LINGO2: variants seen among roughly 807,000 people sequenced by gnomAD.
The protein encoded by LINGO2 is leucine-rich repeat and immunoglobulin-like domain-containing nogo receptor-interacting protein 2.
LINGO2 carries 14 observed loss-of-function variants against 30.6 expected under a neutral mutation model. That is an observed-to-expected ratio of 0.46 (90% CI 0.30 to 0.72). The LOEUF is 0.72. LINGO2 is among the 30% of genes least tolerant of loss of function. The pLI is 0.07. For missense variants in LINGO2, 729 were observed against 751.7 expected (o/e 0.97, Z 0.35); for synonymous variants, 317 against 288.5 (o/e 1.10, Z -1.00).
At chr9:28,272,227 C>G (rs772920741) in intron 4 of LINGO2, among the ~76,000 whole-genome samples, 12 of 152,026 alleles carry the variant, frequency 7.9e-5, no homozygotes, top group Admixed American at 5.2e-4. Flanking sequence ...CCAGAGGAAC[C>G]CTGACAACAG....
chr9:28,984,221 T>C, the LINGO2 span, among the ~76,000 whole-genome samples: 2 of 152,114 alleles, frequency 1.3e-5, no homozygotes, highest in Non-Finnish European at 2.9e-5. Flanking sequence ...CAGGGAAGAA[T>C]ATGTGCTCAT....
At chr9:28,659,578 A>C (rs962339302) in intron 1 of LINGO2, among the ~76,000 whole-genome samples, 3 of 151,986 alleles carry the variant, frequency 2.0e-5, no homozygotes, top group Non-Finnish European at 4.4e-5. Flanking sequence ...CTGTCGAGTA[A>C]CTGGGACTAT....
At chr9:28,178,232 G>A (rs1277010287) in intron 4 of LINGO2, among the ~76,000 whole-genome samples, 2 of 152,082 alleles carry the variant, frequency 1.3e-5, no homozygotes, top group Non-Finnish European at 2.9e-5. Flanking sequence ...CTCCCACAGT[G>A]TTGTGATAAA....
At chr9:28,701,787 C>T in the LINGO2 span, among the ~76,000 whole-genome samples, 4 of 151,872 alleles carry the variant, frequency 2.6e-5, no homozygotes, top group Non-Finnish European at 5.9e-5. Flanking sequence ...ACTATCTCTC[C>T]ATTTGGTACT....
the LINGO2 span, among the ~76,000 whole-genome samples, chr9:28,739,905 A>G: frequency 1.3e-5 from 2 of 150,522 alleles, no homozygotes; most frequent in Non-Finnish European, 3.0e-5. Context: ...AGTACAATAA[A>G]GGTCAAATAT....
At chr9:29,171,699 T>C in the LINGO2 span, among the ~76,000 whole-genome samples, 1 of 152,036 alleles carries the variant, frequency 6.6e-6, no homozygotes, top group Non-Finnish European at 1.5e-5. Flanking sequence ...GAATATCACT[T>C]GGCGGAAAAA....
intron 4 of LINGO2, among the ~76,000 whole-genome samples, chr9:28,083,025 G>T (rs1825815578): frequency 6.6e-6 from 1 of 152,104 alleles, no homozygotes; most frequent in Non-Finnish European, 1.5e-5. Flanking sequence ...ACCAGTCCAT[G>T]GTCCTGTAAC....
the LINGO2 span, among the ~76,000 whole-genome samples, chr9:29,100,004 G>A: frequency 1.3e-5 from 2 of 152,072 alleles, no homozygotes; most frequent in African/African-American, 2.4e-5. Context: ...CAGAAGACTC[G>A]ATAAAGAAAA....
At chr9:28,885,827 A>T in the LINGO2 span, among the ~76,000 whole-genome samples, 1 of 152,132 alleles carries the variant, frequency 6.6e-6, no homozygotes, top group African/African-American at 2.4e-5. Context: ...GCCATGCAGA[A>T]ACTAGGATCA....
intron 4 of LINGO2, among the ~76,000 whole-genome samples, chr9:28,141,889 G>T (rs924454498): frequency 1.3e-5 from 2 of 152,214 alleles, no homozygotes; most frequent in African/African-American, 4.8e-5. Flanking sequence ...TCCAGCCTGG[G>T]TGACAGGGCG....
At chr9:28,981,714 T>C in the LINGO2 span, among the ~76,000 whole-genome samples, 1 of 152,142 alleles carries the variant, frequency 6.6e-6, no homozygotes, top group African/African-American at 2.4e-5. Context: ...CTGTTTCAAA[T>C]AGTGCTCCAA....
At chr9:28,974,507 A>G in the LINGO2 span, among the ~76,000 whole-genome samples, 1 of 152,160 alleles carries the variant, frequency 6.6e-6, no homozygotes, top group African/African-American at 2.4e-5. Flanking sequence ...TTTCTTTTTT[A>G]TTGCTTATGC....
chr9:28,735,634 A>G, the LINGO2 span, among the ~76,000 whole-genome samples: 3 of 152,122 alleles, frequency 2.0e-5, no homozygotes, highest in Non-Finnish European at 4.4e-5. Flanking sequence ...AAACATTTTT[A>G]TATGTAAATA....
chr9:28,946,081 G>C, the LINGO2 span, among the ~76,000 whole-genome samples: 1 of 152,072 alleles, frequency 6.6e-6, no homozygotes, highest in Non-Finnish European at 1.5e-5. Flanking sequence ...TAATATGAAA[G>C]ATCACCAGTA....
the LINGO2 span, among the ~76,000 whole-genome samples, chr9:29,023,876 G>A: frequency 6.6e-6 from 1 of 152,014 alleles, no homozygotes; most frequent in Non-Finnish European, 1.5e-5. Context: ...AAAGCTGCTT[G>A]GATCCTTAGT....
chr9:27,998,609 T>C (rs547217748), intron 5 of LINGO2, among the ~76,000 whole-genome samples: 2 of 152,188 alleles, frequency 1.3e-5, no homozygotes, highest in South Asian at 4.1e-4. Flanking sequence ...TGAAACCCCG[T>C]TTCTACTAAA....
At chr9:29,189,121 C>A in the LINGO2 span, among the ~76,000 whole-genome samples, 1 of 128,434 alleles carries the variant, frequency 7.8e-6, no homozygotes, top group African/African-American at 2.8e-5. Flanking sequence ...CCCTCCCGGA[C>A]GGGGCGGCTG....
chr9:29,050,480 G>A, the LINGO2 span, among the ~76,000 whole-genome samples: 1 of 152,210 alleles, frequency 6.6e-6, no homozygotes, highest in Non-Finnish European at 1.5e-5. Flanking sequence ...TTTATGTGAA[G>A]TGAAATTTGA....
intron 4 of LINGO2, among the ~76,000 whole-genome samples, chr9:28,046,790 C>T (rs149962467): frequency 3.1e-4 from 47 of 152,246 alleles, no homozygotes; most frequent in Non-Finnish European, 5.6e-4. Context: ...ATAAGCTACT[C>T]AAAGTATGTG....
Sources: allele counts gnomAD v4.1 joint callset (sites outside exome capture counted in the v4.1 genomes callset), GRCh38; gene constraint gnomAD v4.1.1; transcripts MANE v1.5; gene names NCBI Gene and HGNC (gene_info 2026-07-23, HGNC 2026-07-21).